TRAK1: variants seen among roughly 807,000 people sequenced by gnomAD.
TRAK1 encodes the protein trafficking kinesin-binding protein 1.
Under a neutral mutation model 92.1 loss-of-function variants are expected in TRAK1, and 33 were observed. That is an observed-to-expected ratio of 0.36 (90% CI 0.27 to 0.48). The LOEUF (loss-of-function observed/expected upper bound fraction) is 0.48. TRAK1 is among the 20% of genes least tolerant of loss of function. The pLI is 0.99. For synonymous variants in TRAK1, 521 were observed against 517.3 expected, an observed-to-expected ratio of 1.01 and a Z score of -0.10; for missense variants, 1,123 against 1,257.9, an observed-to-expected ratio of 0.89 and a Z score of 1.62.
chr3:42,089,067 A>G (rs377223542), upstream of TRAK1, among the ~76,000 whole-genome samples: 33 of 152,296 alleles, frequency 2.2e-4, no homozygotes, highest in African/African-American at 7.5e-4. Flanking sequence ...GTCAAACTCA[A>G]ATGACCAAAA....
intron 1 of TRAK1, among the ~76,000 whole-genome samples, chr3:42,031,232 T>G (rs1421141413): frequency 1.3e-5 from 2 of 151,082 alleles, no homozygotes; most frequent in African/African-American, 2.4e-5. Context: ...AGAGATGGGG[T>G]TTCACGATAT....
At chr3:42,117,754 A>AG (rs898678714) in intron 1 of TRAK1, among the ~76,000 whole-genome samples, 27 of 152,080 alleles carry the variant, frequency 1.8e-4, no homozygotes, top group Non-Finnish European at 3.1e-4. Context: ...TCCTCTGTGG[A>AG]GGAGGAGGTC....
intron 2 of TRAK1, among the ~76,000 whole-genome samples, chr3:42,166,980 A>C (rs1324563053): frequency 6.6e-6 from 1 of 152,254 alleles, no homozygotes; most frequent in Non-Finnish European, 1.5e-5. Context: ...AGTGACACAA[A>C]GAACAAGGAG....
intron 12 of TRAK1, 21 bp downstream of exon 12, chr3:42,201,075 C>T: frequency 6.2e-7 from 1 of 1,611,740 alleles, no homozygotes; most frequent in Non-Finnish European, 8.5e-7. Flanking sequence ...TGGGAGTTTT[C>T]ACTTCTCTGT....
chr3:42,074,491 A>T (rs1201715991), intron 1 of TRAK1, among the ~76,000 whole-genome samples: 1 of 152,196 alleles, frequency 6.6e-6, no homozygotes, highest in African/African-American at 2.4e-5. Flanking sequence ...GCCCTTCATG[A>T]GCGAGCTGGC....
intron 1 of TRAK1, among the ~76,000 whole-genome samples, chr3:42,112,073 A>C (rs1462216010): frequency 6.6e-6 from 1 of 150,762 alleles, no homozygotes; most frequent in African/African-American, 2.4e-5. Flanking sequence ...GACTCCAAGG[A>C]AAGTTTGGGA....
At chr3:42,194,678 G>A in intron 9 of TRAK1, 126 bp from the exon 10 acceptor site, 1 of 1,157,350 alleles carries the variant, frequency 8.6e-7, no homozygotes, top group East Asian at 2.6e-5. Context: ...AGGCGCACAG[G>A]GCAGCTGGTT....
chr3:42,115,016 A>G (rs1401643738), intron 1 of TRAK1, among the ~76,000 whole-genome samples: 5 of 152,202 alleles, frequency 3.3e-5, no homozygotes, highest in Admixed American at 2.6e-4. Flanking sequence ...CCCAGCCAAC[A>G]TATGCTTTTA....
At chr3:42,193,954 G>A in intron 9 of TRAK1, 56 bp downstream of exon 9, 5 of 1,525,004 alleles carry the variant, frequency 3.3e-6, no homozygotes, top group Non-Finnish European at 4.5e-6. Context: ...AGGTGGATTA[G>A]CCTTCCCGGA....
At chr3:42,150,835 T>C (rs572721134) in intron 2 of TRAK1, among the ~76,000 whole-genome samples, 26 of 152,322 alleles carry the variant, frequency 1.7e-4, no homozygotes, top group Admixed American at 7.2e-4. Flanking sequence ...TTTAACTATT[T>C]TGAGTAACAA....
chr3:42,149,926 A>G (rs1699766152), intron 2 of TRAK1, among the ~76,000 whole-genome samples: 1 of 152,086 alleles, frequency 6.6e-6, no homozygotes, highest in Admixed American at 6.5e-5. Flanking sequence ...TTGATGCATG[A>G]ATGTGTGCAA....
chr3:42,023,990 G>A (rs1271339462), intron 1 of TRAK1, among the ~76,000 whole-genome samples: 1 of 152,074 alleles, frequency 6.6e-6, no homozygotes, highest in Non-Finnish European at 1.5e-5. Context: ...CCTGACCTCA[G>A]GTGATTCGCC....
Position 42,132,673 on chromosome 3 carries a change from CAT to C in TRAK1, c.286+7061_286+7062del, listed in dbSNP as rs1191250565. Among the ~76,000 whole-genome samples, 258 of 152,276 alleles carry C rather than the reference CAT, an allele frequency of 1.7e-3. 4 individuals are homozygous for C. The highest frequency in any genetic ancestry group is 3.8e-4 in the Non-Finnish European group (26 of 68,014). On this transcript the variant is annotated intron_variant, in intron 2 of 15. Coordinates refer to ENST00000327628, the MANE Select transcript of TRAK1 (RefSeq NM_001042646.3). Reference sequence around the variant, plus strand: ...ATCCTCCCCAGGCCCCACCGTCAGGCATAGTCATTCTAATTGATCCTCAGGTG... The same window carrying C: ...ATCCTCCCCAGGCCCCACCGTCAGGCAGTCATTCTAATTGATCCTCAGGTG...
At chr3:42,089,245 C>T (rs1378578998), upstream of TRAK1, among the ~76,000 whole-genome samples, 1 of 152,176 alleles carries the variant, frequency 6.6e-6, no homozygotes, top group East Asian at 1.9e-4. Context: ...TTGGCTGTAT[C>T]TTCAGAGTAT....
intron 2 of TRAK1, among the ~76,000 whole-genome samples, chr3:42,129,847 C>T (rs1273990375): frequency 1.3e-5 from 2 of 152,044 alleles, no homozygotes; most frequent in African/African-American, 4.8e-5. Flanking sequence ...TACCCAGTAT[C>T]TCAGATTAGC....
upstream of TRAK1, among the ~76,000 whole-genome samples, chr3:42,084,352 C>G (rs904451925): frequency 3.9e-5 from 6 of 152,278 alleles, no homozygotes; most frequent in Non-Finnish European, 8.8e-5. Context: ...GTAATCCCAG[C>G]TACTTGGGAG....
At chr3:42,053,783 ACC>A (rs1703084182) in intron 1 of TRAK1, among the ~76,000 whole-genome samples, 1 of 151,570 alleles carries the variant, frequency 6.6e-6, no homozygotes, top group African/African-American at 2.4e-5. Flanking sequence ...GGAAAATGAA[ACC>A]CCACGTGCCG....
rs147101329 is a variant in TRAK1 at position 42,039,081 on chromosome 3, A to G, written c.-519+24964A>G. Among the ~76,000 whole-genome samples, 31 of 152,084 alleles carry G rather than the reference A, an allele frequency of 2.0e-4. No individual in the cohort carries two copies. In the East Asian group the frequency reaches 5.8e-3, roughly 28 times the overall value. On this transcript the variant is annotated intron_variant, in intron 1 of 16. Coordinates refer to the TRAK1 transcript ENST00000487159. ...CATTCTCATTAGCAGTCAATAGTCAATCCTCCCTCCCTCCATTTCCCAGCC... is the reference window on the plus strand; with the variant it reads ...CATTCTCATTAGCAGTCAATAGTCAGTCCTCCCTCCCTCCATTTCCCAGCC...
In TRAK1 at chr3:42,075,912, G is replaced by C. The variant is rs181912807; in HGVS notation, c.-518-11192G>C. Among the ~76,000 whole-genome samples, 687 of 152,118 alleles carry C rather than the reference G, an allele frequency of 4.5e-3. 4 individuals are homozygous for C. The highest frequency in any genetic ancestry group is 0.015 in the African/African-American group (639 of 41,504). On this transcript the variant is annotated intron_variant, in intron 1 of 16. Transcript: ENST00000487159. ...GGCTGGAGTGCAGTGGCACGATCTC[G>C]ACTCACTGCCACCTCTGCCTCCCAG...
Sources: gnomAD v4.1 joint callset for allele counts (sites outside exome capture counted in the v4.1 genomes callset) on GRCh38, gnomAD v4.1.1 for gene constraint, MANE v1.5 for transcripts, NCBI Gene and HGNC (gene_info 2026-07-23, HGNC 2026-07-21) for gene names.